PEDS1: variants seen among roughly 807,000 people sequenced by gnomAD.
PEDS1 encodes the protein CarF homolog.
Under a neutral mutation model 35.2 loss-of-function variants are expected in PEDS1, and 14 were observed. The ratio of observed to expected loss-of-function variants is 0.40; its 90% CI spans 0.26 to 0.62. PEDS1 has a LOEUF of 0.62. Ranked by LOEUF, PEDS1 falls within the 20% of genes least tolerant of loss-of-function variation. The pLI, the probability that PEDS1 is intolerant of heterozygous loss-of-function variation, is 0.44. For synonymous variants in PEDS1, 152 were observed against 152.0 expected, an observed-to-expected ratio of 1.00 and a Z score of 0.00; for missense variants, 260 against 367.8, an observed-to-expected ratio of 0.71 and a Z score of 2.40.
At position 50,143,492 on chromosome 20, in the gene PEDS1, G is replaced by C. The variant is rs1299839174; in HGVS notation, c.241+10C>G. 5 of 1,598,820 alleles carry C rather than the reference G, an allele frequency of 3.1e-6. No individual in the cohort carries two copies. The highest frequency in any genetic ancestry group is 1.8e-5 in the Admixed American group (1 of 56,270). On this transcript the variant is annotated intron_variant, in intron 2 of 5. Coordinates refer to ENST00000371652, the MANE Select transcript of PEDS1 (RefSeq NM_199129.4). ...AAGTTGAGGCAGGCAGCAGTGCCTC[G>C]GGCACTCACCAACACCGAGTATGAC...
rs1200784259 is a variant in PEDS1, at chr20:50,129,522, CCCA to C, written c.478+21_478+23del. On this transcript the variant is annotated intron_variant, in intron 4 of 5. Coordinates refer to ENST00000371652, the MANE Select transcript of PEDS1 (RefSeq NM_199129.4). This position sits in a 1 kb window ranked among gnomAD's most constrained non-coding sequence, Gnocchi z 4.2. ...CTCTGCCCCCAAGGCCCCCTCCCAG[CCCA>C]CCACTAGCTGGGTGTCTCACCAGGG... 6.2e-7 allele frequency: 1 copy of C among 1,613,586 alleles called. No individual in the cohort carries two copies. The highest frequency in any genetic ancestry group is 2.2e-5 in the East Asian group (1 of 44,886).
chr20:50,143,767 G>A, intron 1 of PEDS1, 146 bp from the exon 2 acceptor site: 106 of 1,378,850 alleles, frequency 7.7e-5, no homozygotes, highest in Non-Finnish European at 9.3e-5. Context: ...GTGCCATCTC[G>A]GCTCACTGCA....
chr20:50,147,430 GC>G (rs531742766), intron 1 of PEDS1, among the ~76,000 whole-genome samples: 30 of 152,286 alleles, frequency 2.0e-4, no homozygotes, highest in African/African-American at 5.3e-4. Context: ...GGCAGCCCTG[GC>G]TGGGCCCCTG....
intron 2 of PEDS1, among the ~76,000 whole-genome samples, chr20:50,143,291 A>G (rs912988134): frequency 6.6e-6 from 1 of 152,176 alleles, no homozygotes; most frequent in Non-Finnish European, 1.5e-5. Context: ...CAAGAGGAAG[A>G]GAGGAACTGA....
Position 50,129,556 on chromosome 20 carries a change from G to A in PEDS1, c.468C>T (p.Thr156=), listed in dbSNP as rs779129608. The change falls in exon 4 of 6, where the codon ACC becomes ACT. Residue 156 remains threonine, a synonymous_variant. Transcript: ENST00000371652. The surrounding 1 kb of genome is among the most constrained non-coding windows in gnomAD (Gnocchi z 4.2). ...AGCTGGGTGTCTCACCAGGGCTGTGGGTGCGGAACTTGTAGGCCATGTTTA... is the reference window on the plus strand; with the variant it reads ...AGCTGGGTGTCTCACCAGGGCTGTGAGTGCGGAACTTGTAGGCCATGTTTA... ...PLLNMAYKFR[T]HSPEALEQLY... 2.5e-6 allele frequency: 4 copies of A among 1,614,048 alleles called. No individual in the cohort carries two copies. Among genetic ancestry groups the A allele is most frequent in the East Asian group, 4.5e-5 (2 of 44,892 alleles).
rs550660580 is a variant in PEDS1, at chr20:50,131,047, G to A, written c.242-100C>T. On this transcript the variant is annotated intron_variant, in intron 2 of 5. Coordinates refer to ENST00000371652, the MANE Select transcript of PEDS1 (RefSeq NM_199129.4). ...GCCCGCTCATTCATTTGTTAGGAGGGGAAGGTGTCCCTTCTTCTCTAGTTG... is the reference window on the plus strand; with the variant it reads ...GCCCGCTCATTCATTTGTTAGGAGGAGAAGGTGTCCCTTCTTCTCTAGTTG... 6 of 1,594,678 alleles carry A rather than the reference G, an allele frequency of 3.8e-6. 1 individual carries two copies. The South Asian group carries it at 6.7e-5, about 18-fold the overall frequency.
Position 50,129,832 on chromosome 20 carries a change from A to C in PEDS1, c.334-142T>G. 7.3e-7 allele frequency: 1 copy of C among 1,362,224 alleles called. No individual in the cohort carries two copies. The highest frequency in any genetic ancestry group is 9.8e-7 in the Non-Finnish European group (1 of 1,019,614). 84.4% of individuals were successfully genotyped at this position (1,362,224 alleles called of 1,614,324 possible). On this transcript the variant is annotated intron_variant, in intron 3 of 5. Coordinates refer to ENST00000371652, the MANE Select transcript of PEDS1 (RefSeq NM_199129.4). The surrounding 1 kb of genome is among the most constrained non-coding windows in gnomAD (Gnocchi z 4.2). Reference sequence around the variant, plus strand: ...CCACCCGGGATGCTTGAACATTCCCACCTGGCCCACTGCCAGACACAGACC... The same window carrying C: ...CCACCCGGGATGCTTGAACATTCCCCCCTGGCCCACTGCCAGACACAGACC...
In PEDS1 at chr20:50,124,873, A is replaced by G; in HGVS notation, c.*185T>C. ...GAGGAGGGGCCGAGGAAAAAAAAAA[A>G]AAAGAAATGAAAAATCAGTGGCTCA... On this transcript the variant is annotated 3_prime_UTR_variant, in exon 6 of 6. Transcript: ENST00000371652. The G allele has an allele frequency of 1.3e-6, 1 of 785,376 alleles. No individual in the cohort carries two copies. Among genetic ancestry groups the G allele is most frequent in the Non-Finnish European group, 2.0e-6 (1 of 512,330 alleles). 48.7% of individuals were successfully genotyped at this position (785,376 alleles called of 1,614,324 possible). A position where few individuals can be genotyped will look rare whatever the true frequency, so the allele number is the denominator to read the frequency against.
At chr20:50,142,540 T>C (rs6095787) in intron 2 of PEDS1, among the ~76,000 whole-genome samples, 2,102 of 152,184 alleles carry the variant, frequency 0.014, 51 homozygotes, top group African/African-American at 0.046. Context: ...TGGGTTCAAA[T>C]GATTCTCCTG....
chr20:50,136,788 G>C (rs1049817566), intron 2 of PEDS1, among the ~76,000 whole-genome samples: 4 of 148,842 alleles, frequency 2.7e-5, no homozygotes, highest in African/African-American at 7.5e-5. Flanking sequence ...TATAATCCCA[G>C]CACTTTGGGA....
At position 50,123,109 on chromosome 20, in the gene PEDS1, CA is replaced by C. The variant is rs1417324200; in HGVS notation, c.*1948del. On this transcript the variant is annotated 3_prime_UTR_variant, in exon 6 of 6. Coordinates refer to ENST00000371652, the MANE Select transcript of PEDS1 (RefSeq NM_199129.4). ...GTCTCTAAAAACATAGTAATAAATA[CA>C]AATAAATAAAATGACCAGCAGGTCC... is the stretch of plus-strand genomic sequence containing the variant. The C allele has an allele frequency of 6.6e-6, 1 of 152,044 alleles. No homozygotes were observed. The highest frequency in any genetic ancestry group is 2.4e-5 in the African/African-American group (1 of 41,378). 9.4% of individuals were successfully genotyped at this position (152,044 alleles called of 1,614,324 possible).
chr20:50,153,373 G>A, intron 1 of PEDS1, 144 bp downstream of exon 1: 1 of 1,196,350 alleles, frequency 8.4e-7, no homozygotes, highest in Non-Finnish European at 1.0e-6. Flanking sequence ...ACACTGGGGT[G>A]GGGTCCCCGA....
chr20:50,122,840 A>G lies in PEDS1; in HGVS notation c.*2218T>C, dbSNP rs566091597. The G allele has an allele frequency of 1.3e-5, 2 of 151,986 alleles. No individual in the cohort carries two copies. Among genetic ancestry groups the G allele is most frequent in the South Asian group, 4.2e-4 (2 of 4,804 alleles). 9.4% of individuals were successfully genotyped at this position (151,986 alleles called of 1,614,324 possible). ...GTCCTGACCCGGTGCAGTGGCTCAT[A>G]CCTAAAATTCCAGCACTTTGGAAGG... On this transcript the variant is annotated 3_prime_UTR_variant, in exon 6 of 6. Transcript: ENST00000371652.
intron 1 of PEDS1, among the ~76,000 whole-genome samples, chr20:50,153,161 C>T (rs796418090): frequency 6.6e-6 from 1 of 151,002 alleles, no homozygotes; most frequent in African/African-American, 2.4e-5. Flanking sequence ...TGGACCGGGT[C>T]CTGGGGGGAT....
In PEDS1 at chr20:50,137,179, A is replaced by C. The variant is rs116246727; in HGVS notation, c.242-6232T>G. On this transcript the variant is annotated intron_variant, in intron 2 of 5. Transcript: ENST00000371652. ...GCTCCCATGCTCAAGCGACCCTCCC[A>C]CCTCAGACTCGTGAGGAGCTGGGAC... is the stretch of plus-strand genomic sequence containing the variant. Among the ~76,000 whole-genome samples, 1,508 of 152,034 alleles carry C rather than the reference A, an allele frequency of 9.9e-3. 23 individuals carry two copies. Among genetic ancestry groups the C allele is most frequent in the African/African-American group, 0.033 (1,355 of 41,454 alleles).
At position 50,125,170 on chromosome 20, in the gene PEDS1, T is replaced by C. The variant is rs931753734; in HGVS notation, c.701A>G (p.Asn234Ser). The change falls in exon 6 of 6, where the codon AAC becomes AGC. Residue 234 changes from asparagine to serine, a missense_variant. Coordinates refer to ENST00000371652, the MANE Select transcript of PEDS1 (RefSeq NM_199129.4). The part of the protein sequence containing the change: ...TYFCITTGWL[N>S]YPLEKIGFWR... ...GAAGCCTATCTTCTCCAGAGGGTAG[T>C]TGAGCCAGCCTGCAGTAGAAATGGC... 1.9e-6 allele frequency: 3 copies of C among 1,613,886 alleles called. No individual in the cohort carries two copies. The highest frequency in any genetic ancestry group is 2.5e-6 in the Non-Finnish European group (3 of 1,179,802).
At chr20:50,136,493 C>A (rs1044121432) in intron 2 of PEDS1, among the ~76,000 whole-genome samples, 1 of 151,438 alleles carries the variant, frequency 6.6e-6, no homozygotes, top group Non-Finnish European at 1.5e-5. Flanking sequence ...GAGGCCAAGG[C>A]AGATGGATCA....
intron 2 of PEDS1, among the ~76,000 whole-genome samples, chr20:50,134,766 G>C (rs977598821): frequency 6.6e-6 from 1 of 152,166 alleles, no homozygotes; most frequent in East Asian, 1.9e-4. Context: ...AAACAGTAAA[G>C]GCCATAGGCC....
intron 2 of PEDS1, among the ~76,000 whole-genome samples, chr20:50,133,585 G>A (rs900567318): frequency 6.6e-6 from 1 of 152,158 alleles, no homozygotes; most frequent in Non-Finnish European, 1.5e-5. Context: ...TGTAGAAGGC[G>A]AGGGAGGTGG....
Sources: allele counts gnomAD v4.1 joint callset (sites outside exome capture counted in the v4.1 genomes callset), GRCh38; gene constraint gnomAD v4.1.1; non-coding constraint Gnocchi (gnomAD v3.1); transcripts MANE v1.5; gene names NCBI Gene and HGNC (gene_info 2026-07-23, HGNC 2026-07-21).